Variants in LMX1A observed in about 807,000 individuals in gnomAD.
LMX1A encodes the protein LIM homeobox transcription factor 1 alpha.
LMX1A carries 15 observed loss-of-function variants against 49.1 expected under a neutral mutation model. The ratio of observed to expected loss-of-function variants is 0.31; its 90% CI spans 0.20 to 0.47. The LOEUF (loss-of-function observed/expected upper bound fraction) is 0.47, where lower values mean the gene tolerates loss of function less well. Ranked by LOEUF, LMX1A falls within the 20% of genes least tolerant of loss-of-function variation. The pLI, the probability that LMX1A is intolerant of heterozygous loss-of-function variation, is 1.00. For synonymous variants in LMX1A, 167 were observed against 185.7 expected, an observed-to-expected ratio of 0.90 and a Z score of 0.82; for missense variants, 372 against 475.8, an observed-to-expected ratio of 0.78 and a Z score of 2.03.
At chr1:165,333,059 T>A (rs747877423) in intron 3 of LMX1A, among the ~76,000 whole-genome samples, 2 of 152,210 alleles carry the variant, frequency 1.3e-5, no homozygotes, top group Admixed American at 6.5e-5. Flanking sequence ...GATTTCCTTA[T>A]CTCCAATAAG....
chr1:165,337,287 G>A (rs2101758493), intron 3 of LMX1A, among the ~76,000 whole-genome samples: 1 of 152,166 alleles, frequency 6.6e-6, no homozygotes, highest in Admixed American at 6.5e-5. Flanking sequence ...GATAATTTTA[G>A]AGCATAGAGA....
intron 3 of LMX1A, among the ~76,000 whole-genome samples, chr1:165,313,882 C>A (rs751029337): frequency 6.6e-6 from 1 of 152,098 alleles, no homozygotes; most frequent in Admixed American, 6.5e-5. Context: ...CTCACTTATC[C>A]CTGCAGGTAA....
chr1:165,244,332 G>A (rs1652765756), intron 4 of LMX1A, among the ~76,000 whole-genome samples: 1 of 152,192 alleles, frequency 6.6e-6, no homozygotes, highest in South Asian at 2.1e-4. Context: ...TCAACCTGAA[G>A]ATGAGGTCCT....
In LMX1A at chr1:165,244,020, G is replaced by T. The variant is rs185812449; in HGVS notation, c.496+5388C>A. Among the ~76,000 whole-genome samples the T allele has an allele frequency of 4.3e-4, 66 of 152,282 alleles. 1 individual carries two copies. Among genetic ancestry groups the T allele is most frequent in the African/African-American group, 1.5e-3 (64 of 41,552 alleles). ...CCTAACCCCTAATCCTTCACCTCTG[G>T]GGAGGGGAGAGAGGCTGAAGGTTGA... On this transcript the variant is annotated intron_variant, in intron 4 of 8. Coordinates refer to ENST00000342310, the MANE Select transcript of LMX1A (RefSeq NM_177398.4).
intron 4 of LMX1A, among the ~76,000 whole-genome samples, chr1:165,231,108 T>TTATC (rs1652225236): frequency 6.6e-6 from 1 of 151,958 alleles, no homozygotes; most frequent in Admixed American, 6.6e-5. Flanking sequence ...ATTTATTTAT[T>TTATC]TATTTATTTT....
intron 3 of LMX1A, among the ~76,000 whole-genome samples, chr1:165,261,731 C>T (rs75133549): frequency 0.016 from 2,425 of 152,178 alleles, 59 homozygotes; most frequent in African/African-American, 0.055. Context: ...TTCTAACATA[C>T]ACTACAACAT....
intron 3 of LMX1A, among the ~76,000 whole-genome samples, chr1:165,339,206 G>C (rs1571231456): frequency 6.6e-6 from 1 of 152,214 alleles, no homozygotes; most frequent in African/African-American, 2.4e-5. Context: ...AACCAACCAA[G>C]TGGACAACGC....
chr1:165,232,391 G>A (rs1294252199), intron 4 of LMX1A, among the ~76,000 whole-genome samples: 2 of 152,232 alleles, frequency 1.3e-5, no homozygotes, highest in Admixed American at 1.3e-4. Flanking sequence ...GCCTCTTGAA[G>A]GGAAAACCAG....
chr1:165,206,045 A>G lies in LMX1A; in HGVS notation c.818-11T>C, dbSNP rs759000368. 10 of 1,529,132 alleles carry G rather than the reference A, an allele frequency of 6.5e-6. No individual in the cohort carries two copies. Among genetic ancestry groups the G allele is most frequent in the Non-Finnish European group, 8.8e-6 (10 of 1,139,830 alleles). The allele number at this position is 1,529,132 out of a possible 1,614,324, so 94.7% of individuals were successfully genotyped here. ...CACCGTTTGTCTGAGCTGTGGAACAAAGAAGAAGCCAGGTCATTCTCAACG... is the reference window on the plus strand; with the variant it reads ...CACCGTTTGTCTGAGCTGTGGAACAGAGAAGAAGCCAGGTCATTCTCAACG... On this transcript the variant is annotated splice_polypyrimidine_tract_variant and intron_variant, in intron 7 of 8. Coordinates refer to ENST00000342310, the MANE Select transcript of LMX1A (RefSeq NM_177398.4).
intron 4 of LMX1A, among the ~76,000 whole-genome samples, chr1:165,226,181 TC>T (rs1320159181): frequency 6.6e-6 from 1 of 152,192 alleles, no homozygotes; most frequent in Non-Finnish European, 1.5e-5. Flanking sequence ...CAAGCCTCTC[TC>T]CTCTCTATCA....
chr1:165,276,233 T>C (rs1653963677), intron 3 of LMX1A, among the ~76,000 whole-genome samples: 1 of 152,216 alleles, frequency 6.6e-6, no homozygotes, highest in African/African-American at 2.4e-5. Context: ...TTCCTGCTCA[T>C]TGACCAATCA....
At chr1:165,288,745 C>T (rs780679623) in intron 3 of LMX1A, among the ~76,000 whole-genome samples, 24 of 152,210 alleles carry the variant, frequency 1.6e-4, no homozygotes, top group Admixed American at 5.2e-4. Context: ...CAGGCTCAGG[C>T]GGCAGCTATC....
chr1:165,247,080 T>TTTTTTTTTTTTTG (rs1652883753), intron 4 of LMX1A, among the ~76,000 whole-genome samples: 1 of 134,424 alleles, frequency 7.4e-6, no homozygotes, highest in African/African-American at 2.7e-5. Flanking sequence ...TTTTTTTTTT[T>TTTTTTTTTTTTTG]GCAGGGTTAG....
chr1:165,332,456 A>G (rs1440700001), intron 3 of LMX1A, among the ~76,000 whole-genome samples: 1 of 152,308 alleles, frequency 6.6e-6, no homozygotes, highest in East Asian at 1.9e-4. Flanking sequence ...ATTTTTAACT[A>G]TTACACTATA....
rs531193155 is a variant in LMX1A, at chr1:165,315,068, G to T, written c.263+38008C>A. On this transcript the variant is annotated intron_variant, in intron 3 of 8. Transcript: ENST00000342310. The stretch of plus-strand genomic sequence containing the variant: ...AGGACAGTCTGGAGTTGCACTGCTT[G>T]TCTCTCTTGACATGTTCAGCAAGGC... Among the ~76,000 whole-genome samples, 8 of 152,294 alleles carry T rather than the reference G, an allele frequency of 5.3e-5. No individual in the cohort carries two copies. In the South Asian group the frequency reaches 1.7e-3, roughly 32 times the overall value.
At chr1:165,281,895 C>T (rs909204579) in intron 3 of LMX1A, among the ~76,000 whole-genome samples, 1 of 152,112 alleles carries the variant, frequency 6.6e-6, no homozygotes, top group Non-Finnish European at 1.5e-5. Flanking sequence ...ATGATTTTTC[C>T]CCAGAGATGG....
At position 165,204,048 on chromosome 1, in the gene LMX1A, G is replaced by A. The variant is rs757093939; in HGVS notation, c.989-8C>T. On this transcript the variant is annotated splice_polypyrimidine_tract_variant and splice_region_variant and intron_variant, in intron 8 of 8. Coordinates refer to ENST00000342310, the MANE Select transcript of LMX1A (RefSeq NM_177398.4). ...GGAAAAGGGGCTCGGCACCTGAAAT[G>A]GAGATGAAACACTGGCATGAGGGTC... is the stretch of plus-strand genomic sequence containing the variant. 22 of 1,613,746 alleles carry A rather than the reference G, an allele frequency of 1.4e-5. No homozygotes were observed. The highest frequency in any genetic ancestry group is 1.8e-5 in the Non-Finnish European group (21 of 1,179,914).
At position 165,342,628 on chromosome 1, in the gene LMX1A, A is replaced by T. The variant is rs898870127; in HGVS notation, c.263+10448T>A. ...GTGAAGGAGTTTGACAAACAAGAGC[A>T]ATGATTGTATATGAGCTGATTTCTC... On this transcript the variant is annotated intron_variant, in intron 3 of 8. Coordinates refer to ENST00000342310, the MANE Select transcript of LMX1A (RefSeq NM_177398.4). Among the ~76,000 whole-genome samples, 3 of 152,272 alleles carry T rather than the reference A, an allele frequency of 2.0e-5. No individual in the cohort carries two copies. In the South Asian group the frequency reaches 6.2e-4, roughly 32 times the overall value.
rs115930095 is a variant in LMX1A, at chr1:165,256,889, G to A, written c.264-7249C>T. ...TGCAACAGCACACCCCTGTACTGCA[G>A]GCATTACGGTAGCAAGATGACAACA... On this transcript the variant is annotated intron_variant, in intron 3 of 8. Coordinates refer to ENST00000342310, the MANE Select transcript of LMX1A (RefSeq NM_177398.4). 3.5e-3 allele frequency among the ~76,000 whole-genome samples: 527 copies of A among 152,108 alleles called. 1 individual carries two copies. The highest frequency in any genetic ancestry group is 0.012 in the African/African-American group (505 of 41,480).
Sources: allele counts gnomAD v4.1 joint callset (sites outside exome capture counted in the v4.1 genomes callset), GRCh38; gene constraint gnomAD v4.1.1; transcripts MANE v1.5; gene names NCBI Gene and HGNC (gene_info 2026-07-23, HGNC 2026-07-21).